Variants in MACROD2 observed in about 807,000 individuals in gnomAD.
MACROD2 encodes the protein mono-ADP ribosylhydrolase 2, also known as ADP-ribose glycohydrolase MACROD2.
MACROD2 carries 36 observed loss-of-function variants against 70.4 expected under a neutral mutation model. That is an observed-to-expected ratio of 0.51 (90% CI 0.39 to 0.68). MACROD2 has a LOEUF of 0.68. MACROD2 is among the 30% of genes least tolerant of loss of function. The probability of loss-of-function intolerance (pLI) is 0.00; values close to 1 mark genes in which losing one functional copy is unlikely to be tolerated. For synonymous variants in MACROD2, 172 were observed against 178.8 expected (o/e 0.96, Z 0.30); for missense variants, 496 against 538.4 (o/e 0.92, Z 0.78).
chr20:14,313,468 G>A (rs979365341), intron 3 of MACROD2, among the ~76,000 whole-genome samples: 2 of 148,688 alleles, frequency 1.3e-5, no homozygotes, highest in Non-Finnish European at 3.0e-5. Context: ...TGAAGGTGAA[G>A]TGTTAATTGG....
chr20:15,362,340 A>C (rs1394640008), intron 6 of MACROD2, among the ~76,000 whole-genome samples: 1 of 151,976 alleles, frequency 6.6e-6, no homozygotes, highest in Non-Finnish European at 1.5e-5. Flanking sequence ...ACATGCCATG[A>C]GTGGTGAGAG....
chr20:15,300,139 T>G (rs2077628233), intron 6 of MACROD2, among the ~76,000 whole-genome samples: 1 of 152,186 alleles, frequency 6.6e-6, no homozygotes, highest in Admixed American at 6.5e-5. Context: ...CTGACTTTTT[T>G]TTTTAACTTA....
intron 5 of MACROD2, among the ~76,000 whole-genome samples, chr20:15,188,863 A>G (rs1461336959): frequency 2.6e-5 from 4 of 152,198 alleles, no homozygotes; most frequent in African/African-American, 4.8e-5. Context: ...AACTATATTC[A>G]GCCTTGGGCA....
chr20:15,628,091 G>A (rs1158902129), intron 8 of MACROD2, among the ~76,000 whole-genome samples: 1 of 152,154 alleles, frequency 6.6e-6, no homozygotes, highest in Non-Finnish European at 1.5e-5. Context: ...TAGCAGAAAT[G>A]GAAAGAAGAA....
At chr20:14,806,177 G>A (rs960431975) in intron 5 of MACROD2, among the ~76,000 whole-genome samples, 1 of 152,114 alleles carries the variant, frequency 6.6e-6, no homozygotes, top group African/African-American at 2.4e-5. Flanking sequence ...GGGCCGAATA[G>A]GATCAGCTCA....
intron 3 of MACROD2, among the ~76,000 whole-genome samples, chr20:14,211,087 A>G (rs2081567537): frequency 6.6e-6 from 1 of 152,214 alleles, no homozygotes; most frequent in Non-Finnish European, 1.5e-5. Context: ...ATGGTTTTAC[A>G]AGATGAGGAA....
intron 8 of MACROD2, among the ~76,000 whole-genome samples, chr20:15,750,047 CAG>C (rs1163645875): frequency 6.6e-6 from 1 of 151,934 alleles, no homozygotes; most frequent in Non-Finnish European, 1.5e-5. Flanking sequence ...AAAGGAAAAA[CAG>C]AGTAAAGAGA....
At chr20:15,121,744 G>A (rs2076032671) in intron 5 of MACROD2, among the ~76,000 whole-genome samples, 1 of 152,022 alleles carries the variant, frequency 6.6e-6, no homozygotes, top group Non-Finnish European at 1.5e-5. Context: ...AGTCTTCTAG[G>A]TGAATTTGAA....
chr20:15,345,607 G>T (rs886957818), intron 6 of MACROD2, among the ~76,000 whole-genome samples: 1 of 152,188 alleles, frequency 6.6e-6, no homozygotes, highest in African/African-American at 2.4e-5. Flanking sequence ...TGTCCAATAT[G>T]GTAGCCACTG....
intron 4 of MACROD2, among the ~76,000 whole-genome samples, chr20:14,539,619 A>G (rs1042941421): frequency 6.6e-6 from 1 of 152,232 alleles, no homozygotes; most frequent in Non-Finnish European, 1.5e-5. Flanking sequence ...CCTGAAACAA[A>G]GTAGTTACTT....
intron 8 of MACROD2, among the ~76,000 whole-genome samples, chr20:15,644,419 T>G (rs928155712): frequency 1.3e-5 from 2 of 152,156 alleles, no homozygotes; most frequent in Non-Finnish European, 2.9e-5. Context: ...CAGATGGGCC[T>G]GCATAGAGTC....
Position 15,917,494 on chromosome 20 carries a change from G to A in MACROD2, c.776-15782G>A, listed in dbSNP as rs984669492. On this transcript the variant is annotated intron_variant, in intron 10 of 17. Coordinates refer to ENST00000684519, the MANE Select transcript of MACROD2 (RefSeq NM_001351661.2). ...TATTCCTTACTGCTGGCTAAATGCT[G>A]GCACCACACAGGCTTTCTATGGCAA... Among the ~76,000 whole-genome samples, 3 of 152,298 alleles carry A rather than the reference G, an allele frequency of 2.0e-5. No homozygotes were observed. In the South Asian group the frequency reaches 6.2e-4, roughly 32 times the overall value.
At chr20:14,907,143 CTT>C (rs2073968576) in intron 5 of MACROD2, among the ~76,000 whole-genome samples, 1 of 152,198 alleles carries the variant, frequency 6.6e-6, no homozygotes, top group South Asian at 2.1e-4. Context: ...AGTTACCACT[CTT>C]TTGCATGGCA....
intron 8 of MACROD2, among the ~76,000 whole-genome samples, chr20:15,610,649 T>C (rs2048954398): frequency 6.6e-6 from 1 of 152,160 alleles, no homozygotes; most frequent in Admixed American, 6.6e-5. Context: ...GGTGGGCATA[T>C]TATGGGAGAC....
chr20:14,552,172 C>T lies in MACROD2; in HGVS notation c.301+58664C>T, dbSNP rs373697162. Among the ~76,000 whole-genome samples the T allele has an allele frequency of 7.1e-4, 107 of 150,312 alleles. 3 individuals carry two copies. In the South Asian group the frequency reaches 0.023, roughly 32 times the overall value. On this transcript the variant is annotated intron_variant, in intron 4 of 17. Coordinates refer to ENST00000684519, the MANE Select transcript of MACROD2 (RefSeq NM_001351661.2). ...TTTTTTATTCTTTATTTCATGTGAC[C>T]TTGGAATAATTCAGTGGCTCCTAGA... is the stretch of plus-strand genomic sequence containing the variant.
At chr20:15,439,984 G>T (rs56030815) in intron 7 of MACROD2, among the ~76,000 whole-genome samples, 26,960 of 152,058 alleles carry the variant, frequency 0.18, 2,590 homozygotes, top group Non-Finnish European at 0.2. Context: ...TCAGATCTCA[G>T]GCGTGCTTTC....
chr20:14,137,612 A>G (rs965511976), intron 3 of MACROD2, among the ~76,000 whole-genome samples: 3 of 152,204 alleles, frequency 2.0e-5, no homozygotes, highest in Non-Finnish European at 2.9e-5. Context: ...CTTATCCTAC[A>G]TCATATACAA....
chr20:14,946,896 T>C (rs906565381), intron 5 of MACROD2, among the ~76,000 whole-genome samples: 1 of 152,200 alleles, frequency 6.6e-6, no homozygotes, highest in South Asian at 2.1e-4. Context: ...GATGAAAGTA[T>C]GGACAATGTG....
chr20:15,218,154 A>G (rs2076827295), intron 5 of MACROD2, among the ~76,000 whole-genome samples: 1 of 152,166 alleles, frequency 6.6e-6, no homozygotes, highest in South Asian at 2.1e-4. Context: ...TCTTATTTCT[A>G]TGTTGAGGAT....
Sources: gnomAD v4.1 joint callset for allele counts (sites outside exome capture counted in the v4.1 genomes callset) on GRCh38, gnomAD v4.1.1 for gene constraint, MANE v1.5 for transcripts, NCBI Gene and HGNC (gene_info 2026-07-23, HGNC 2026-07-21) for gene names.